Variants in TPTE2 observed in about 807,000 individuals in gnomAD.
The protein encoded by TPTE2 is phosphatidylinositol 3,4,5-trisphosphate 3-phosphatase TPTE2.
Under a neutral mutation model 78.6 loss-of-function variants are expected in TPTE2, and 53 were observed. That is an observed-to-expected ratio of 0.67 (90% CI 0.54 to 0.85). TPTE2 has a LOEUF of 0.85. Among genes scored for constraint, TPTE2 ranks in the 40% least tolerant of loss-of-function variants. The pLI is 0.00. For synonymous variants in TPTE2, 175 were observed against 206.2 expected (o/e 0.85, Z 1.30); for missense variants, 461 against 623.0 (o/e 0.74, Z 2.77).
chr13:19,507,343 T>C (rs1055224478), upstream of TPTE2, among the ~76,000 whole-genome samples: 1 of 144,424 alleles, frequency 6.9e-6, no homozygotes, highest in African/African-American at 2.6e-5. Context: ...AATTTAGCCA[T>C]TTGGAAACAA....
chr13:19,520,476 C>T (rs907219665), intron 1 of TPTE2, among the ~76,000 whole-genome samples: 4 of 151,744 alleles, frequency 2.6e-5, no homozygotes, highest in Non-Finnish European at 5.9e-5. Context: ...AAGTTATTTA[C>T]CACATTTTTG....
In TPTE2 at chr13:19,535,214, CA is replaced by C. The variant is rs1188317774; in HGVS notation, c.-44+1381del. 0.029 allele frequency among the ~76,000 whole-genome samples: 1,008 copies of C among 34,862 alleles called. 8 individuals are homozygous for C. Among genetic ancestry groups the C allele is most frequent in the African/African-American group, 0.11 (893 of 7,966 alleles). The allele number at this position is 34,862 out of a possible 152,430, so 22.9% of individuals were successfully genotyped here. A position where few individuals can be genotyped will look rare whatever the true frequency, so the allele number is the denominator to read the frequency against. Reference sequence around the variant, plus strand: ...TGAGATTCCTTCTCAAAAAAACAAACAAACAAAAAAATATATATATATATAT... The same window carrying C: ...TGAGATTCCTTCTCAAAAAAACAAACAACAAAAAAATATATATATATATAT... On this transcript the variant is annotated intron_variant, in intron 1 of 17. Coordinates refer to the TPTE2 transcript ENST00000390680. This position sits in a 1 kb window ranked among gnomAD's most constrained non-coding sequence, Gnocchi z 5.1.
At chr13:19,516,907 T>C (rs1006940789) in intron 1 of TPTE2, among the ~76,000 whole-genome samples, 1 of 152,268 alleles carries the variant, frequency 6.6e-6, no homozygotes, top group African/African-American at 2.4e-5. Flanking sequence ...TTTTTCTATT[T>C]TTATTTGCTG....
the TPTE2 span, among the ~76,000 whole-genome samples, chr13:19,550,754 A>C: frequency 6.6e-6 from 1 of 152,090 alleles, no homozygotes; most frequent in African/African-American, 2.4e-5. Flanking sequence ...TCACATTATT[A>C]TACCTCAATA....
At chr13:19,441,925 A>G (rs1877526698) in intron 13 of TPTE2, among the ~76,000 whole-genome samples, 1 of 152,194 alleles carries the variant, frequency 6.6e-6, no homozygotes, top group South Asian at 2.1e-4. Context: ...TAAATCAAGG[A>G]TGCAGGTTGA....
chr13:19,537,905 G>A (rs546662237), upstream of TPTE2, among the ~76,000 whole-genome samples: 10 of 152,008 alleles, frequency 6.6e-5, no homozygotes, highest in South Asian at 1.7e-3. Flanking sequence ...ATACCCGGCC[G>A]GACAGAAGCT....
At chr13:19,465,137 C>T in intron 9 of TPTE2, 118 bp downstream of exon 12, 8 of 1,288,888 alleles carry the variant, frequency 6.2e-6, no homozygotes, top group South Asian at 5.0e-5. Flanking sequence ...ATCACAGTGG[C>T]ATATATTCTC....
intron 6 of TPTE2, 69 bp downstream of exon 9, chr13:19,473,845 C>T (rs1457933148): frequency 7.4e-7 from 1 of 1,355,402 alleles, no homozygotes; most frequent in African/African-American, 1.5e-5. Context: ...CCTCCCACCT[C>T]AGCCTCCCAA....
At chr13:19,494,312 A>T (rs893711327) in intron 1 of TPTE2, among the ~76,000 whole-genome samples, 22 of 152,248 alleles carry the variant, frequency 1.4e-4, no homozygotes, top group Admixed American at 1.4e-3. Context: ...TCAAAGAAAC[A>T]CTGTATTATC....
At chr13:19,494,184 G>C (rs756980001) in intron 1 of TPTE2, among the ~76,000 whole-genome samples, 2 of 152,248 alleles carry the variant, frequency 1.3e-5, no homozygotes, top group African/African-American at 4.8e-5. Context: ...ACTTACTAAG[G>C]GCGACAAGAC....
rs113549010 is a variant in TPTE2 at position 19,471,174 on chromosome 13, C to T, written c.392+2740G>A. ...CTGCCTGCCTTGGCCTCCCAAACTG[C>T]TGGGATTACAGGCGTGAACCACCAC... On this transcript the variant is annotated intron_variant, in intron 6 of 19. Coordinates refer to ENST00000400230, the Ensembl canonical transcript of TPTE2. Among the ~76,000 whole-genome samples the T allele has an allele frequency of 1.2e-3, 187 of 152,268 alleles. 4 individuals are homozygous for T. Among genetic ancestry groups the T allele is most frequent in the African/African-American group, 4.3e-3 (180 of 41,562 alleles).
At chr13:19,479,960 CAA>C (rs751162446) in intron 4 of TPTE2, among the ~76,000 whole-genome samples, 19 of 66,764 alleles carry the variant, frequency 2.8e-4, no homozygotes, top group Admixed American at 8.7e-4. Flanking sequence ...GACTCCGGCT[CAA>C]AAAAAAAAAA....
intron 4 of TPTE2, among the ~76,000 whole-genome samples, chr13:19,479,387 A>G (rs1880182617): frequency 6.6e-6 from 1 of 152,182 alleles, no homozygotes; most frequent in Non-Finnish European, 1.5e-5. Context: ...AAGCATTTAA[A>G]TATAAACATT....
chr13:19,457,021 G>C (rs1229058716), intron 10 of TPTE2, among the ~76,000 whole-genome samples: 2 of 152,084 alleles, frequency 1.3e-5, no homozygotes, highest in Admixed American at 1.3e-4. Context: ...AGACCTATAC[G>C]TATATGTTCA....
chr13:19,561,567 T>G, the TPTE2 span, among the ~76,000 whole-genome samples: 1 of 152,144 alleles, frequency 6.6e-6, no homozygotes, highest in Non-Finnish European at 1.5e-5. Context: ...TGCGATGACC[T>G]TTGACCCAGA....
At chr13:19,543,092 C>T in the TPTE2 span, among the ~76,000 whole-genome samples, 1 of 150,596 alleles carries the variant, frequency 6.6e-6, no homozygotes, top group African/African-American at 2.4e-5. Flanking sequence ...GAGTCTTGCT[C>T]TGTCACCCAG....
intron 1 of TPTE2, among the ~76,000 whole-genome samples, chr13:19,528,956 T>C (rs1321213150): frequency 6.6e-6 from 1 of 151,852 alleles, no homozygotes; most frequent in Non-Finnish European, 1.5e-5. Flanking sequence ...CTGTCTCTAC[T>C]AAAAATAAAA....
At chr13:19,484,949 T>C (rs1340141926) in intron 3 of TPTE2, among the ~76,000 whole-genome samples, 1 of 152,200 alleles carries the variant, frequency 6.6e-6, no homozygotes, top group Admixed American at 6.5e-5. Context: ...GTCTATATCC[T>C]TCATGGGGTA....
At chr13:19,464,147 T>C (rs2497247) in intron 10 of TPTE2, among the ~76,000 whole-genome samples, 142,259 of 152,208 alleles carry the variant, frequency 0.93, 66,759 homozygotes, top group East Asian at 1. Flanking sequence ...TGCCCACAGA[T>C]ACATGAATGA....
Sources: allele counts gnomAD v4.1 joint callset (sites outside exome capture counted in the v4.1 genomes callset), GRCh38; gene constraint gnomAD v4.1.1; non-coding constraint Gnocchi (gnomAD v3.1); transcripts MANE v1.5; gene names NCBI Gene and HGNC (gene_info 2026-07-23, HGNC 2026-07-21).